FBXO34: variants seen among roughly 807,000 people sequenced by gnomAD.
FBXO34 encodes the protein F-box only protein 34.
In FBXO34, 12 loss-of-function variants were observed where a neutral mutation model predicts 24.5. That is an observed-to-expected ratio of 0.49 (90% confidence interval 0.31 to 0.79). The LOEUF is 0.79. Ranked by LOEUF, FBXO34 falls within the 30% of genes least tolerant of loss-of-function variation. FBXO34 has a pLI of 0.04. For missense variants in FBXO34, 823 were observed against 857.7 expected (o/e 0.96, Z 0.51); for synonymous variants, 320 against 311.9 (o/e 1.03, Z -0.27).
chr14:55,290,934 C>T (rs575150973), intron 1 of FBXO34, among the ~76,000 whole-genome samples: 91 of 152,254 alleles, frequency 6.0e-4, no homozygotes, highest in Non-Finnish European at 6.6e-4. Flanking sequence ...ATTTTCCTGC[C>T]TCAGCCACCT....
In FBXO34 at chr14:55,286,485, T is replaced by TA. The variant is rs530783332; in HGVS notation, c.-11+14949dup. 6.9e-3 allele frequency among the ~76,000 whole-genome samples: 1,055 copies of TA among 152,344 alleles called. 21 individuals are homozygous for TA. The highest frequency in any genetic ancestry group is 7.1e-3 in the Non-Finnish European group (481 of 68,024). ...TTTTTAAACTCCTGCTCAGTTTACTTACCAAATATTAATAGTGTGCCTACT... is the reference window on the plus strand; with the variant it reads ...TTTTTAAACTCCTGCTCAGTTTACTTAACCAAATATTAATAGTGTGCCTACT... On this transcript the variant is annotated intron_variant, in intron 1 of 1. Coordinates refer to ENST00000313833, the MANE Select transcript of FBXO34 (RefSeq NM_017943.4).
At chr14:55,287,176 G>T (rs193079459) in intron 1 of FBXO34, among the ~76,000 whole-genome samples, 13 of 152,210 alleles carry the variant, frequency 8.5e-5, no homozygotes, top group Admixed American at 6.5e-4. Flanking sequence ...AAAGTGCTGG[G>T]ATTACAGGCA....
chr14:55,379,411 A>G, the FBXO34 span, among the ~76,000 whole-genome samples: 1 of 151,986 alleles, frequency 6.6e-6, no homozygotes, highest in Non-Finnish European at 1.5e-5. Context: ...GTGTGGTAGC[A>G]TGAACCTGTG....
chr14:55,316,678 G>C (rs1882939862), intron 1 of FBXO34, among the ~76,000 whole-genome samples: 1 of 147,200 alleles, frequency 6.8e-6, no homozygotes, highest in Non-Finnish European at 1.5e-5. Flanking sequence ...ATTGAGCTGA[G>C]ATCATGCCAC....
At chr14:55,433,597 C>T in the FBXO34 span, 1 of 1,581,102 alleles carries the variant, frequency 6.3e-7, no homozygotes. Context: ...TAAATTGTTT[C>T]TCTGGTAGGG....
At chr14:55,390,900 G>T in the FBXO34 span, 2 of 1,554,670 alleles carry the variant, frequency 1.3e-6, no homozygotes, top group Non-Finnish European at 1.8e-6. Context: ...GGAAGGACAC[G>T]AATTACTTAC....
At chr14:55,300,350 T>C (rs1034382344) in intron 1 of FBXO34, among the ~76,000 whole-genome samples, 2 of 152,162 alleles carry the variant, frequency 1.3e-5, no homozygotes, top group African/African-American at 4.8e-5. Context: ...CCCAGCACTT[T>C]AGGAGGCTGA....
At chr14:55,345,493 G>A (rs1884129342) in intron 1 of FBXO34, among the ~76,000 whole-genome samples, 1 of 152,120 alleles carries the variant, frequency 6.6e-6, no homozygotes, top group South Asian at 2.1e-4. Context: ...ATACCCTCAG[G>A]TGAGCTTGGT....
At chr14:55,371,093 C>A (rs772691970), downstream of FBXO34, among the ~76,000 whole-genome samples, 1 of 152,168 alleles carries the variant, frequency 6.6e-6, no homozygotes, top group Non-Finnish European at 1.5e-5. Context: ...GACCAAGGTG[C>A]CGCTCTCTCC....
At chr14:55,363,547 T>C (rs2140105750), downstream of FBXO34, among the ~76,000 whole-genome samples, 1 of 152,172 alleles carries the variant, frequency 6.6e-6, no homozygotes, top group East Asian at 1.9e-4. Context: ...CAGGCTGGTC[T>C]TGAACTCCTG....
chr14:55,274,420 T>C (rs78929638), intron 1 of FBXO34, among the ~76,000 whole-genome samples: 2,340 of 152,310 alleles, frequency 0.015, 71 homozygotes, highest in African/African-American at 0.053. Flanking sequence ...GGCAGGATCT[T>C]TTTCACCCAT....
intron 1 of FBXO34, chr14:55,271,966 C>G (rs1301172182): frequency 6.6e-6 from 1 of 152,290 alleles, no homozygotes; most frequent in Non-Finnish European, 1.5e-5. Flanking sequence ...CCACTCTGCC[C>G]TTCCCTGCCC....
the FBXO34 span, chr14:55,397,523 CAG>C: frequency 2.3e-5 from 24 of 1,026,498 alleles, no homozygotes; most frequent in Admixed American, 3.9e-5. Flanking sequence ...AATCATTCTG[CAG>C]AGTCATGTGA....
chr14:55,275,650 T>C (rs977051616), intron 1 of FBXO34, among the ~76,000 whole-genome samples: 25 of 133,948 alleles, frequency 1.9e-4, no homozygotes, highest in African/African-American at 6.0e-4. Context: ...CCATCTCTAC[T>C]AAAAAAAAAA....
the FBXO34 span, chr14:55,411,570 A>G: frequency 1.3e-6 from 2 of 1,578,136 alleles, no homozygotes; most frequent in Non-Finnish European, 1.7e-6. Flanking sequence ...CACACAGCAG[A>G]AGAAACAATA....
chr14:55,428,988 AAT>A, the FBXO34 span: 1 of 1,613,480 alleles, frequency 6.2e-7, no homozygotes, highest in Non-Finnish European at 8.5e-7. Flanking sequence ...GGGAGGGGCA[AAT>A]ATGTTTAAAG....
chr14:55,295,494 A>G (rs1170454150), intron 1 of FBXO34, among the ~76,000 whole-genome samples: 2 of 147,686 alleles, frequency 1.4e-5, no homozygotes, highest in African/African-American at 5.0e-5. Context: ...TTCTGGGCTC[A>G]AGCGATTCTC....
chr14:55,385,204 G>A, the FBXO34 span, among the ~76,000 whole-genome samples: 2 of 152,166 alleles, frequency 1.3e-5, no homozygotes, highest in African/African-American at 4.8e-5. Flanking sequence ...ATCAGACAAG[G>A]AAATCAAGAT....
At chr14:55,376,514 C>T in the FBXO34 span, among the ~76,000 whole-genome samples, 1 of 152,132 alleles carries the variant, frequency 6.6e-6, no homozygotes, top group South Asian at 2.1e-4. Flanking sequence ...GGCGAGTTCA[C>T]AGCTTTTTAT....
Sources: gnomAD v4.1 joint callset for allele counts (sites outside exome capture counted in the v4.1 genomes callset) on GRCh38, gnomAD v4.1.1 for gene constraint, MANE v1.5 for transcripts, NCBI Gene and HGNC (gene_info 2026-07-23, HGNC 2026-07-21) for gene names.